The following OSTF1 variants were observed in gnomAD, a reference collection of about 807,000 sequenced individuals.
OSTF1 encodes osteoclast-stimulating factor 1.
In OSTF1, 27 loss-of-function variants were observed where a neutral mutation model predicts 37.2. The observed-to-expected ratio is 0.73, with a 90% CI of 0.54 to 1.00. The LOEUF (loss-of-function observed/expected upper bound fraction) is 1.00. Among genes scored for constraint, OSTF1 ranks in the 50% least tolerant of loss-of-function variants. The pLI is 0.00. For missense variants in OSTF1, 232 were observed against 253.8 expected, an observed-to-expected ratio of 0.91 and a Z score of 0.58; for synonymous variants, 82 against 89.2, an observed-to-expected ratio of 0.92 and a Z score of 0.46.
intron 1 of OSTF1, among the ~76,000 whole-genome samples, chr9:75,093,251 T>C (rs1036831421): frequency 2.0e-5 from 3 of 152,170 alleles, no homozygotes; most frequent in Admixed American, 1.3e-4. Context: ...TTTACACATA[T>C]AGCATTTATG....
At chr9:75,133,225 T>C (rs968332434) in intron 5 of OSTF1, 69 bp from the exon 6 acceptor site, 1 of 951,106 alleles carries the variant, frequency 1.1e-6, no homozygotes, top group African/African-American at 1.6e-5. Context: ...AGAATGACAT[T>C]GATTTAAAAG....
chr9:75,092,763 C>T (rs180695453), intron 1 of OSTF1, among the ~76,000 whole-genome samples: 7 of 152,286 alleles, frequency 4.6e-5, no homozygotes, highest in Admixed American at 4.6e-4. Context: ...AACAGCGTCT[C>T]AGCTTCCGTT....
intron 1 of OSTF1, among the ~76,000 whole-genome samples, chr9:75,111,518 T>G (rs1015806324): frequency 1.3e-5 from 2 of 152,152 alleles, no homozygotes; most frequent in African/African-American, 4.8e-5. Flanking sequence ...GCTTAGATCC[T>G]TAGTGCTAAT....
At chr9:75,124,053 G>A (rs1438241168) in intron 2 of OSTF1, among the ~76,000 whole-genome samples, 1 of 152,180 alleles carries the variant, frequency 6.6e-6, no homozygotes, top group African/African-American at 2.4e-5. Context: ...AAGACATTAA[G>A]AGTTTTGACT....
At chr9:75,117,069 ATTTAT>A (rs1194474462) in intron 1 of OSTF1, among the ~76,000 whole-genome samples, 2 of 152,132 alleles carry the variant, frequency 1.3e-5, no homozygotes, top group African/African-American at 2.4e-5. Flanking sequence ...TGTTTTTAAA[ATTTAT>A]TTTATGATTG....
Position 75,088,683 on chromosome 9 carries a change from A to C in OSTF1, c.-10A>C. On this transcript the variant is annotated 5_prime_UTR_variant, in exon 1 of 10. Transcript: ENST00000346234. ...CGGGGTCTTTAGGATTTGCAGCTCC[A>C]GGAAGCGAGATGTCGAAGCCGCCAC... 6 of 1,607,982 alleles carry C rather than the reference A, an allele frequency of 3.7e-6. No homozygotes were observed. The highest frequency in any genetic ancestry group is 4.2e-6 in the Non-Finnish European group (5 of 1,177,058).
At chr9:75,146,654 T>C (rs775888846) in intron 9 of OSTF1, 29 bp from the exon 10 acceptor site, 20 of 1,536,038 alleles carry the variant, frequency 1.3e-5, no homozygotes, top group Non-Finnish European at 1.8e-5. Flanking sequence ...ATTTCCCTAT[T>C]TTGCTTTTTT....
intron 5 of OSTF1, 75 bp downstream of exon 5, chr9:75,131,898 A>T (rs1333538525): frequency 9.5e-7 from 1 of 1,053,626 alleles, no homozygotes; most frequent in Non-Finnish European, 1.5e-6. Flanking sequence ...TGACAAGTGC[A>T]TACACCCACG....
intron 3 of OSTF1, 55 bp downstream of exon 3, chr9:75,127,674 A>G: frequency 1.1e-6 from 1 of 925,122 alleles, no homozygotes; most frequent in Non-Finnish European, 1.7e-6. Context: ...TTATGTAGCT[A>G]TAACATTGTA....
At position 75,112,596 on chromosome 9, in the gene OSTF1, T is replaced by C. The variant is rs148330766; in HGVS notation, c.35-4908T>C. On this transcript the variant is annotated intron_variant, in intron 1 of 9. Transcript: ENST00000346234. ...AAGGAGTTGCCTGCTGTTCACTGTT[T>C]AGTATAAATCAAAATGCAAATAAAT... Among the ~76,000 whole-genome samples the C allele has an allele frequency of 2.6e-5, 4 of 152,348 alleles. No homozygotes were observed. The East Asian group carries it at 5.8e-4, about 22-fold the overall frequency.
intron 1 of OSTF1, among the ~76,000 whole-genome samples, chr9:75,096,143 C>T (rs760618987): frequency 6.6e-6 from 1 of 152,162 alleles, no homozygotes; most frequent in African/African-American, 2.4e-5. Flanking sequence ...CCACCCGCCT[C>T]GGCCTCCCAA....
intron 1 of OSTF1, among the ~76,000 whole-genome samples, chr9:75,111,461 C>T (rs559112343): frequency 2.0e-5 from 3 of 152,068 alleles, no homozygotes; most frequent in Non-Finnish European, 4.4e-5. Context: ...GCAGGTGCAC[C>T]GCTGCTGCTG....
intron 1 of OSTF1, among the ~76,000 whole-genome samples, chr9:75,107,413 T>C (rs569844166): frequency 2.0e-4 from 31 of 152,326 alleles, no homozygotes; most frequent in African/African-American, 7.5e-4. Context: ...GAGAAAGATA[T>C]ATGTATAAAG....
chr9:75,131,885 C>T (rs2118586418), intron 5 of OSTF1, 62 bp downstream of exon 5: 4 of 1,256,652 alleles, frequency 3.2e-6, no homozygotes, highest in Non-Finnish European at 4.7e-6. Flanking sequence ...TTTCAATTAG[C>T]TTTGACAAGT....
Position 75,134,886 on chromosome 9 carries a change from C to A in OSTF1, c.408+491C>A, listed in dbSNP as rs1825819419. ...TAACCTTTTTTTGTTTCTGTACTTA[C>A]TTTTTAAAACTCATTTTTTGTTATC... On this transcript the variant is annotated intron_variant, in intron 7 of 9. Transcript: ENST00000346234. 3.3e-5 allele frequency among the ~76,000 whole-genome samples: 5 copies of A among 152,222 alleles called. No individual in the cohort carries two copies. The South Asian group carries it at 8.3e-4, about 25-fold the overall frequency.
intron 9 of OSTF1, 74 bp downstream of exon 9, chr9:75,141,006 G>T: frequency 1.8e-6 from 2 of 1,105,366 alleles, no homozygotes; most frequent in Non-Finnish European, 2.7e-6. Flanking sequence ...TGGCGCAAAA[G>T]AGATAAACTC....
At chr9:75,131,849 G>T in intron 5 of OSTF1, 26 bp downstream of exon 5, 1 of 1,576,388 alleles carries the variant, frequency 6.3e-7, no homozygotes, top group Non-Finnish European at 8.7e-7. Context: ...TTTGACTGAG[G>T]TATGCAGTAC....
chr9:75,108,184 C>T lies in OSTF1; in HGVS notation c.35-9320C>T, dbSNP rs190138733. On this transcript the variant is annotated intron_variant, in intron 1 of 9. Coordinates refer to ENST00000346234, the MANE Select transcript of OSTF1 (RefSeq NM_012383.5). ...AAGCTGCAGTGAGCTATGATTGCAC[C>T]ACTGTACTCCAACCTGGGTGACAGT... Among the ~76,000 whole-genome samples the T allele has an allele frequency of 7.9e-5, 12 of 151,992 alleles. No homozygotes were observed. The East Asian group carries it at 1.4e-3, about 17-fold the overall frequency.
chr9:75,117,733 C>T (rs1280411740), intron 2 of OSTF1, among the ~76,000 whole-genome samples, 183 bp downstream of exon 2: 2 of 152,206 alleles, frequency 1.3e-5, no homozygotes, highest in African/African-American at 2.4e-5. Context: ...TCTTCTGCAT[C>T]TTGAGGTCAT....
Sources: gnomAD v4.1 joint callset for allele counts (sites outside exome capture counted in the v4.1 genomes callset) on GRCh38, gnomAD v4.1.1 for gene constraint, MANE v1.5 for transcripts, NCBI Gene and HGNC (gene_info 2026-07-23, HGNC 2026-07-21) for gene names.